ADGRL3: variants seen among roughly 807,000 people sequenced by gnomAD.
ADGRL3 encodes the protein calcium-independent alpha-latrotoxin receptor 3.
Under a neutral mutation model 153.5 loss-of-function variants are expected in ADGRL3, and 62 were observed. The ratio of observed to expected loss-of-function variants is 0.40; its 90% CI spans 0.33 to 0.50. ADGRL3 has a LOEUF of 0.50. Among genes scored for constraint, ADGRL3 ranks in the 20% least tolerant of loss-of-function variants. The pLI is 0.47. For synonymous variants in ADGRL3, 710 were observed against 672.5 expected, an observed-to-expected ratio of 1.06 and a Z score of -0.86; for missense variants, 1,641 against 1,859.4, an observed-to-expected ratio of 0.88 and a Z score of 2.16.
chr4:62,044,307 T>G, intron 24 of ADGRL3, 146 bp from the exon 25 acceptor site: 2 of 622,686 alleles, frequency 3.2e-6, no homozygotes, highest in Non-Finnish European at 5.8e-6. Context: ...GTTCTCATGC[T>G]ACTGTACTGC....
intron 1 of ADGRL3, among the ~76,000 whole-genome samples, chr4:61,310,719 C>A (rs937479046): frequency 6.7e-6 from 1 of 148,306 alleles, no homozygotes; most frequent in Non-Finnish European, 1.5e-5. Context: ...CTTTTTCATA[C>A]CCTGTAAGAT....
chr4:61,918,882 C>A (rs1403399676), intron 13 of ADGRL3, among the ~76,000 whole-genome samples: 3 of 152,158 alleles, frequency 2.0e-5, no homozygotes, highest in African/African-American at 7.2e-5. Flanking sequence ...GCACCTTTGA[C>A]AAAGTGCAAA....
chr4:61,467,507 AT>A (rs1233912636), intron 2 of ADGRL3, among the ~76,000 whole-genome samples: 4 of 151,256 alleles, frequency 2.6e-5, no homozygotes, highest in African/African-American at 9.8e-5. Context: ...AGAGAGAGAG[AT>A]GAAGGGAGGG....
At chr4:61,461,546 A>C (rs2097819262) in intron 2 of ADGRL3, among the ~76,000 whole-genome samples, 1 of 152,180 alleles carries the variant, frequency 6.6e-6, no homozygotes. Context: ...CATATAAACA[A>C]ATATTCTTAT....
chr4:61,748,047 A>T (rs1211533014), intron 8 of ADGRL3, among the ~76,000 whole-genome samples: 1 of 151,666 alleles, frequency 6.6e-6, no homozygotes, highest in Admixed American at 6.6e-5. Flanking sequence ...AATCACAAGC[A>T]TTCTTATACA....
chr4:61,369,085 C>G (rs1000293458), intron 1 of ADGRL3, among the ~76,000 whole-genome samples: 1 of 152,066 alleles, frequency 6.6e-6, no homozygotes, highest in African/African-American at 2.4e-5. Flanking sequence ...ATTTTGTATC[C>G]TGAGACTTTG....
At chr4:61,563,720 A>T (rs1185792692) in intron 4 of ADGRL3, among the ~76,000 whole-genome samples, 1 of 152,018 alleles carries the variant, frequency 6.6e-6, no homozygotes, top group Non-Finnish European at 1.5e-5. Flanking sequence ...CTTTTTTAAA[A>T]CCTCATGGGC....
chr4:61,969,140 G>A (rs1337603752), intron 17 of ADGRL3, among the ~76,000 whole-genome samples: 1 of 152,068 alleles, frequency 6.6e-6, no homozygotes, highest in Non-Finnish European at 1.5e-5. Context: ...TTACCCTCAG[G>A]ACTTTTTAGT....
In ADGRL3 at chr4:61,259,190, C is replaced by T. The variant is rs565362085; in HGVS notation, c.-240+57425C>T. On this transcript the variant is annotated intron_variant, in intron 1 of 26. Coordinates refer to ENST00000683033, the MANE Select transcript of ADGRL3 (RefSeq NM_001387552.1). ...CTGTAATCCCAGCACTTTGGGAGGC[C>T]GAGGCGGCGGATCACGAGGTCAGGA... 1.4e-3 allele frequency among the ~76,000 whole-genome samples: 207 copies of T among 152,150 alleles called. 2 individuals carry two copies. The highest frequency in any genetic ancestry group is 4.6e-3 in the African/African-American group (189 of 41,512).
intron 2 of ADGRL3, among the ~76,000 whole-genome samples, chr4:61,455,071 G>A (rs576569873): frequency 6.4e-4 from 98 of 152,222 alleles, no homozygotes; most frequent in African/African-American, 2.2e-3. Context: ...CTCGAACTAA[G>A]TTCTTAGTTG....
chr4:61,997,337 G>C (rs1285813237), intron 20 of ADGRL3, among the ~76,000 whole-genome samples: 1 of 151,112 alleles, frequency 6.6e-6, no homozygotes, highest in Non-Finnish European at 1.5e-5. Context: ...CCACCACATA[G>C]ATTTACTTCA....
At chr4:61,367,374 C>T (rs1484698659) in intron 1 of ADGRL3, among the ~76,000 whole-genome samples, 1 of 151,954 alleles carries the variant, frequency 6.6e-6, no homozygotes, top group Non-Finnish European at 1.5e-5. Context: ...TCTCCCAATG[C>T]TATCCCTCCC....
chr4:61,450,859 C>A, intron 2 of ADGRL3, among the ~76,000 whole-genome samples: 1 of 151,836 alleles, frequency 6.6e-6, no homozygotes, highest in African/African-American at 2.4e-5. Flanking sequence ...GAAGACGAGG[C>A]TTTATCAAAT....
At chr4:61,540,593 G>A (rs965016558) in intron 4 of ADGRL3, among the ~76,000 whole-genome samples, 5 of 151,942 alleles carry the variant, frequency 3.3e-5, no homozygotes, top group Admixed American at 2.0e-4. Flanking sequence ...AAATACAATG[G>A]ATTTTCTTCA....
At chr4:61,302,639 A>G (rs973653613) in intron 1 of ADGRL3, among the ~76,000 whole-genome samples, 3 of 152,106 alleles carry the variant, frequency 2.0e-5, no homozygotes, top group African/African-American at 7.2e-5. Context: ...ATTTTTCATT[A>G]TGCATATTAA....
At chr4:61,263,870 G>T (rs1262055773) in intron 1 of ADGRL3, among the ~76,000 whole-genome samples, 8 of 151,704 alleles carry the variant, frequency 5.3e-5, no homozygotes, top group Admixed American at 3.9e-4. Context: ...GATAAAATAG[G>T]CTATGTTTAT....
chr4:61,921,864 A>G (rs2149989066), intron 13 of ADGRL3, among the ~76,000 whole-genome samples: 1 of 152,306 alleles, frequency 6.6e-6, no homozygotes, highest in African/African-American at 2.4e-5. Flanking sequence ...GACCCACACA[A>G]TAGGGTAGCA....
At chr4:61,491,447 A>G (rs892061651) in intron 2 of ADGRL3, among the ~76,000 whole-genome samples, 1 of 152,234 alleles carries the variant, frequency 6.6e-6, no homozygotes, top group Admixed American at 6.5e-5. Context: ...GATATTATTT[A>G]CAAAGGTAGA....
intron 2 of ADGRL3, among the ~76,000 whole-genome samples, chr4:61,437,977 A>C (rs894226642): frequency 2.0e-5 from 3 of 152,196 alleles, no homozygotes; most frequent in African/African-American, 4.8e-5. Context: ...TGATCCAAAG[A>C]TAATTGTCAG....
Sources: gnomAD v4.1 joint callset for allele counts (sites outside exome capture counted in the v4.1 genomes callset) on GRCh38, gnomAD v4.1.1 for gene constraint, MANE v1.5 for transcripts, NCBI Gene and HGNC (gene_info 2026-07-23, HGNC 2026-07-21) for gene names.